The following FOXP2 variants were observed in gnomAD, a reference collection of about 807,000 sequenced individuals.
The protein encoded by FOXP2 is forkhead box protein P2.
A neutral mutation model predicts 115.8 loss-of-function variants in FOXP2; 12 were observed. The observed-to-expected ratio is 0.10, with a 90% CI of 0.07 to 0.17. FOXP2 has a LOEUF of 0.17. Among genes scored for constraint, FOXP2 ranks in the 10% least tolerant of loss-of-function variants. The pLI, the probability that FOXP2 is intolerant of heterozygous loss-of-function variation, is 1.00. For missense variants in FOXP2, 629 were observed against 843.5 expected (o/e 0.75, Z 3.15); for synonymous variants, 328 against 297.7 (o/e 1.10, Z -1.05).
chr7:114,569,990 C>T (rs1190369194), intron 3 of FOXP2, among the ~76,000 whole-genome samples: 1 of 151,908 alleles, frequency 6.6e-6, no homozygotes, highest in Non-Finnish European at 1.5e-5. Context: ...ATCATCCTTT[C>T]ATATCATACA....
chr7:114,248,591 A>T (rs903779014), intron 1 of FOXP2, among the ~76,000 whole-genome samples: 1 of 152,206 alleles, frequency 6.6e-6, no homozygotes, highest in Non-Finnish European at 1.5e-5. Context: ...ACTGAGTTTT[A>T]AAAATAAATA....
chr7:114,192,110 G>GTATTTGTA (rs1793775980), intron 1 of FOXP2, among the ~76,000 whole-genome samples: 1 of 151,662 alleles, frequency 6.6e-6, no homozygotes, highest in African/African-American at 2.4e-5. Context: ...GCTAATTTTT[G>GTATTTGTA]TATTTGTAGT....
chr7:114,204,795 T>A (rs1423256042), intron 1 of FOXP2, among the ~76,000 whole-genome samples: 2 of 151,892 alleles, frequency 1.3e-5, no homozygotes, highest in Non-Finnish European at 2.9e-5. Flanking sequence ...TAAGCATCAG[T>A]GAAATGGCCA....
chr7:114,488,044 G>A (rs1031509110), intron 2 of FOXP2, among the ~76,000 whole-genome samples: 2 of 152,124 alleles, frequency 1.3e-5, no homozygotes, highest in African/African-American at 4.8e-5. Context: ...CTGAGACTGG[G>A]TAATTTATAA....
At chr7:114,663,782 A>G (rs915874896) in intron 15 of FOXP2, among the ~76,000 whole-genome samples, 1 of 152,154 alleles carries the variant, frequency 6.6e-6, no homozygotes, top group Non-Finnish European at 1.5e-5. Flanking sequence ...TTGCAAGTGC[A>G]TGTGGCTATG....
chr7:114,531,243 C>G (rs921193383), intron 2 of FOXP2, among the ~76,000 whole-genome samples: 1 of 151,720 alleles, frequency 6.6e-6, no homozygotes, highest in Non-Finnish European at 1.5e-5. Flanking sequence ...CTAGATGGCG[C>G]AGAGAACTTT....
intron 1 of FOXP2, among the ~76,000 whole-genome samples, chr7:114,233,701 G>A (rs897213957): frequency 6.6e-6 from 1 of 152,202 alleles, no homozygotes; most frequent in Non-Finnish European, 1.5e-5. Flanking sequence ...CAGGCAAACT[G>A]TAGTAATATG....
At chr7:114,195,002 T>C (rs945970253) in intron 1 of FOXP2, among the ~76,000 whole-genome samples, 24 of 152,182 alleles carry the variant, frequency 1.6e-4, no homozygotes, top group African/African-American at 5.8e-4. Flanking sequence ...ACCCATTTTC[T>C]TTGGAATTTA....
intron 1 of FOXP2, among the ~76,000 whole-genome samples, chr7:114,225,589 T>A (rs1794726625): frequency 6.6e-6 from 1 of 151,898 alleles, no homozygotes; most frequent in South Asian, 2.1e-4. Context: ...GGACTACGGG[T>A]GCATGCCACC....
chr7:114,584,662 C>T (rs1413343650), intron 3 of FOXP2, among the ~76,000 whole-genome samples: 1 of 152,136 alleles, frequency 6.6e-6, no homozygotes, highest in Non-Finnish European at 1.5e-5. Context: ...ATTCACTCTG[C>T]CCTGAATATG....
chr7:114,548,415 T>G (rs1373237693), intron 3 of FOXP2, among the ~76,000 whole-genome samples: 1 of 152,138 alleles, frequency 6.6e-6, no homozygotes, highest in Non-Finnish European at 1.5e-5. Context: ...AAGGATGAAT[T>G]TTGGGCCAAC....
intron 1 of FOXP2, among the ~76,000 whole-genome samples, chr7:114,219,936 G>A (rs1349561362): frequency 1.3e-5 from 2 of 151,598 alleles, no homozygotes; most frequent in Admixed American, 6.6e-5. Context: ...GCGCGATCTC[G>A]GCTCACTACA....
chr7:114,342,628 G>A (rs1351554342), intron 2 of FOXP2, among the ~76,000 whole-genome samples: 1 of 151,362 alleles, frequency 6.6e-6, no homozygotes, highest in Non-Finnish European at 1.5e-5. Flanking sequence ...TGATTGATAG[G>A]TGAATCTCAA....
rs138460923 is a variant in FOXP2, at chr7:114,356,944, G to A, written c.-11+68835G>A. Among the ~76,000 whole-genome samples, 397 of 152,156 alleles carry A rather than the reference G, an allele frequency of 2.6e-3. 2 individuals are homozygous for A. Among genetic ancestry groups the A allele is most frequent in the African/African-American group, 9.2e-3 (384 of 41,516 alleles). On this transcript the variant is annotated intron_variant, in intron 2 of 17. Transcript: ENST00000634411. ...TATTTATCTGTATTATGTGAAGAGG[G>A]GGCAATTTTGGTGACAAAGAGCGTA...
At chr7:114,526,195 A>AT (rs1554410537) in intron 2 of FOXP2, among the ~76,000 whole-genome samples, 1 of 147,040 alleles carries the variant, frequency 6.8e-6, no homozygotes, top group Non-Finnish European at 1.5e-5. Flanking sequence ...AAAAAAAAAA[A>AT]GGGCCGGACG....
chr7:114,194,108 GA>G (rs1481884266), intron 1 of FOXP2, among the ~76,000 whole-genome samples: 2 of 151,626 alleles, frequency 1.3e-5, no homozygotes, highest in East Asian at 1.9e-4. Flanking sequence ...AAAGAGGATG[GA>G]AAAAAAATTG....
At chr7:114,522,658 C>T (rs1011553512) in intron 2 of FOXP2, among the ~76,000 whole-genome samples, 3 of 151,956 alleles carry the variant, frequency 2.0e-5, no homozygotes, top group Admixed American at 6.6e-5. Context: ...CAAAGGACAC[C>T]GTAAAATTTA....
chr7:114,634,088 C>G (rs1391972162), intron 6 of FOXP2, among the ~76,000 whole-genome samples: 1 of 151,904 alleles, frequency 6.6e-6, no homozygotes. Flanking sequence ...TCCGCCTTCC[C>G]GGGTTCAAGC....
intron 16 of FOXP2, among the ~76,000 whole-genome samples, chr7:114,676,566 G>C (rs1273357118): frequency 5.3e-5 from 8 of 152,136 alleles, no homozygotes; most frequent in Non-Finnish European, 1.5e-5. Flanking sequence ...ACATTTTTTA[G>C]AGTAATGATC....
Sources: allele counts gnomAD v4.1 joint callset (sites outside exome capture counted in the v4.1 genomes callset), GRCh38; gene constraint gnomAD v4.1.1; transcripts MANE v1.5; gene names NCBI Gene and HGNC (gene_info 2026-07-23, HGNC 2026-07-21).